The following EPB41 variants were observed in gnomAD, a reference collection of about 807,000 sequenced individuals.
The protein encoded by EPB41 is erythrocyte membrane protein band 4.1, also known as protein 4.1.
Under a neutral mutation model 108.0 loss-of-function variants are expected in EPB41, and 65 were observed. That is an observed-to-expected ratio of 0.60 (90% CI 0.49 to 0.74). The LOEUF is 0.74. EPB41 is among the 30% of genes least tolerant of loss of function. The pLI is 0.00. For synonymous variants in EPB41, 336 were observed against 358.9 expected (o/e 0.94, Z 0.72); for missense variants, 875 against 1,037.0 (o/e 0.84, Z 2.15).
intron 12 of EPB41, chr1:29,053,659 A>G: frequency 4.5e-6 from 1 of 223,944 alleles, no homozygotes; most frequent in Non-Finnish European, 9.0e-6. Flanking sequence ...TCGTGGGTTC[A>G]TGCCATTCTC....
chr1:29,092,613 T>A (rs1661693793), intron 16 of EPB41, among the ~76,000 whole-genome samples: 1 of 152,192 alleles, frequency 6.6e-6, no homozygotes, highest in South Asian at 2.1e-4. Context: ...TAAATTCGTG[T>A]CATGGGGGTT....
chr1:28,968,502 C>T (rs933848631), intron 1 of EPB41, among the ~76,000 whole-genome samples: 9 of 152,026 alleles, frequency 5.9e-5, no homozygotes, highest in Non-Finnish European at 2.9e-5. Flanking sequence ...GCCATATTTC[C>T]TCATGTTTTT....
intron 5 of EPB41, among the ~76,000 whole-genome samples, chr1:29,012,825 ACT>A (rs1460042481): frequency 6.6e-6 from 1 of 152,122 alleles, no homozygotes; most frequent in African/African-American, 2.4e-5. Flanking sequence ...TGGACTGATA[ACT>A]CTCTGTATTT....
At chr1:28,962,354 G>A (rs2095242852) in intron 1 of EPB41, among the ~76,000 whole-genome samples, 1 of 152,036 alleles carries the variant, frequency 6.6e-6, no homozygotes, top group Non-Finnish European at 1.5e-5. Flanking sequence ...GTGAGCCACC[G>A]CTCCCGGCCA....
At chr1:29,007,758 C>T (rs2096432020) in intron 4 of EPB41, among the ~76,000 whole-genome samples, 1 of 152,176 alleles carries the variant, frequency 6.6e-6, no homozygotes, top group African/African-American at 2.4e-5. Flanking sequence ...CTCTTCTCCT[C>T]AATTTACTTC....
intron 1 of EPB41, among the ~76,000 whole-genome samples, chr1:28,966,714 C>T (rs1259074032): frequency 2.6e-5 from 4 of 152,232 alleles, no homozygotes; most frequent in African/African-American, 4.8e-5. Flanking sequence ...AAGCAGGCCT[C>T]GTGGCATCTG....
chr1:29,013,323 CAA>C (rs79494613), intron 5 of EPB41, among the ~76,000 whole-genome samples: 7 of 120,186 alleles, frequency 5.8e-5, no homozygotes, highest in African/African-American at 1.2e-4. Flanking sequence ...GACTCCATCT[CAA>C]AAAAAAAAAA....
intron 3 of EPB41, among the ~76,000 whole-genome samples, chr1:28,994,466 C>T (rs914285493): frequency 3.3e-5 from 5 of 151,920 alleles, no homozygotes; most frequent in African/African-American, 4.8e-5. Context: ...CCACCGCGCC[C>T]GGCCAGAGCA....
At chr1:28,944,623 G>A (rs1405982120) in intron 1 of EPB41, among the ~76,000 whole-genome samples, 8 of 134,200 alleles carry the variant, frequency 6.0e-5, no homozygotes, top group Non-Finnish European at 9.2e-5. Context: ...TTCAACCTCC[G>A]CCTCCTGGGT....
At chr1:29,068,609 A>G in intron 16 of EPB41, 1 of 519,068 alleles carries the variant, frequency 1.9e-6, no homozygotes, top group Non-Finnish European at 3.0e-6. Flanking sequence ...TTTCTGGCAT[A>G]TCTTACTTTT....
At chr1:28,997,497 G>T (rs1237255826) in intron 4 of EPB41, among the ~76,000 whole-genome samples, 178 bp downstream of exon 4, 1 of 152,138 alleles carries the variant, frequency 6.6e-6, no homozygotes, top group Non-Finnish European at 1.5e-5. Context: ...TTAAAGGAAA[G>T]ACCATTGCTG....
chr1:28,960,536 G>A (rs1262421016), intron 1 of EPB41, among the ~76,000 whole-genome samples: 1 of 144,158 alleles, frequency 6.9e-6, no homozygotes, highest in Non-Finnish European at 1.5e-5. Flanking sequence ...GAGACCAGTC[G>A]GGCAATGTAG....
chr1:28,891,778 T>C (rs1316965781), intron 1 of EPB41, among the ~76,000 whole-genome samples: 1 of 152,138 alleles, frequency 6.6e-6, no homozygotes, highest in African/African-American at 2.4e-5. Flanking sequence ...GGAGTTGTGC[T>C]GGAGAGAAGC....
At chr1:28,906,225 A>G (rs1039422287) in intron 1 of EPB41, among the ~76,000 whole-genome samples, 1 of 152,130 alleles carries the variant, frequency 6.6e-6, no homozygotes, top group Non-Finnish European at 1.5e-5. Flanking sequence ...GTCCTATAGT[A>G]GCAGCTTTGG....
intron 1 of EPB41, among the ~76,000 whole-genome samples, chr1:28,929,593 G>A (rs377729342): frequency 2.7e-5 from 4 of 150,812 alleles, no homozygotes; most frequent in African/African-American, 7.3e-5. Flanking sequence ...GTGCAATGGC[G>A]CGATCTTGGC....
intron 1 of EPB41, among the ~76,000 whole-genome samples, chr1:28,969,084 CT>C (rs35558417): frequency 0.012 from 1,614 of 134,506 alleles, 9 homozygotes; most frequent in Middle Eastern, 0.03. Flanking sequence ...TCATGCCGTA[CT>C]TTTTTTTTTT....
intron 2 of EPB41, among the ~76,000 whole-genome samples, chr1:28,992,345 G>T (rs986093855): frequency 4.5e-4 from 68 of 152,230 alleles, no homozygotes; most frequent in African/African-American, 1.4e-3. Flanking sequence ...TAATTAGTCG[G>T]GTTTAGATAA....
chr1:29,001,289 C>T (rs1404258494), intron 4 of EPB41, among the ~76,000 whole-genome samples: 1 of 152,152 alleles, frequency 6.6e-6, no homozygotes, highest in Non-Finnish European at 1.5e-5. Flanking sequence ...GAGGTCACGC[C>T]ATTGCACTCC....
At chr1:29,056,455 G>A (rs1489887071) in intron 12 of EPB41, among the ~76,000 whole-genome samples, 2 of 152,080 alleles carry the variant, frequency 1.3e-5, no homozygotes, top group Non-Finnish European at 2.9e-5. Context: ...TGTAGGTGCT[G>A]TCTCCCCCAT....
Sources: gnomAD v4.1 joint callset for allele counts (sites outside exome capture counted in the v4.1 genomes callset) on GRCh38, gnomAD v4.1.1 for gene constraint, MANE v1.5 for transcripts, NCBI Gene and HGNC (gene_info 2026-07-23, HGNC 2026-07-21) for gene names.